ZNF804B: variants seen among roughly 807,000 people sequenced by gnomAD.
ZNF804B encodes zinc finger protein 804B, also known as zinc finger 804B.
ZNF804B carries 80 observed loss-of-function variants against 101.4 expected under a neutral mutation model. The observed-to-expected ratio is 0.79, with a 90% CI of 0.66 to 0.95. The LOEUF is 0.95. Among genes scored for constraint, ZNF804B ranks in the 40% least tolerant of loss-of-function variants. The probability of loss-of-function intolerance (pLI) is 0.00; values close to 1 mark genes in which losing one functional copy is unlikely to be tolerated. For synonymous variants in ZNF804B, 622 were observed against 558.8 expected, an observed-to-expected ratio of 1.11 and a Z score of -1.59; for missense variants, 1,673 against 1,561.9, an observed-to-expected ratio of 1.07 and a Z score of -1.20.
chr7:89,129,976 T>C (rs1790523150), intron 1 of ZNF804B, among the ~76,000 whole-genome samples: 1 of 152,026 alleles, frequency 6.6e-6, no homozygotes, highest in Non-Finnish European at 1.5e-5. Flanking sequence ...CCTTTAATTT[T>C]TCATGGTAAA....
Position 88,926,924 on chromosome 7 carries a change from T to TCTGC in ZNF804B, c.108+166842_108+166845dup, listed in dbSNP as rs1469409064. 8.1e-5 allele frequency among the ~76,000 whole-genome samples: 9 copies of TCTGC among 110,882 alleles called. No individual in the cohort carries two copies. In the Admixed American group the frequency reaches 8.7e-4, roughly 11 times the overall value. The allele number at this position is 110,882 out of a possible 152,430, so 72.7% of individuals were successfully genotyped here. A position where few individuals can be genotyped will look rare whatever the true frequency, so the allele number is the denominator to read the frequency against. ...ATAAATTATAGACCACACTTAGATG[T>TCTGC]CTGCCGGGTGGTGGGGAGCGGGGGG... On this transcript the variant is annotated intron_variant, in intron 1 of 3. Transcript: ENST00000333190.
intron 1 of ZNF804B, among the ~76,000 whole-genome samples, chr7:88,830,752 A>G (rs773611992): frequency 6.6e-6 from 1 of 151,862 alleles, no homozygotes; most frequent in Non-Finnish European, 1.5e-5. Context: ...GTGTGGGTGC[A>G]TATGTGTGTG....
chr7:88,875,881 C>T (rs983032233), intron 1 of ZNF804B, among the ~76,000 whole-genome samples: 1 of 152,186 alleles, frequency 6.6e-6, no homozygotes, highest in African/African-American at 2.4e-5. Flanking sequence ...AGACCAATAT[C>T]CTTGATGAAC....
chr7:89,026,289 G>C (rs765102604), intron 1 of ZNF804B, among the ~76,000 whole-genome samples: 1 of 152,146 alleles, frequency 6.6e-6, no homozygotes, highest in Non-Finnish European at 1.5e-5. Flanking sequence ...AATGGAACGG[G>C]GTTGCCCATG....
chr7:88,882,781 T>C (rs1285226537), intron 1 of ZNF804B, among the ~76,000 whole-genome samples: 2 of 152,128 alleles, frequency 1.3e-5, no homozygotes, highest in African/African-American at 4.8e-5. Flanking sequence ...ATTTTCTTGC[T>C]TACAAGTGGG....
chr7:89,011,689 T>C (rs1348882558), intron 1 of ZNF804B, among the ~76,000 whole-genome samples: 1 of 152,196 alleles, frequency 6.6e-6, no homozygotes, highest in Non-Finnish European at 1.5e-5. Context: ...ATGTCTCTCA[T>C]GCAGGTCACA....
intron 1 of ZNF804B, among the ~76,000 whole-genome samples, chr7:89,012,157 T>C (rs1788474897): frequency 6.6e-6 from 1 of 152,196 alleles, no homozygotes; most frequent in African/African-American, 2.4e-5. Flanking sequence ...AGCTGTACCT[T>C]GACCCTTCTA....
chr7:89,143,049 A>T (rs2116395248), intron 1 of ZNF804B, among the ~76,000 whole-genome samples: 1 of 151,910 alleles, frequency 6.6e-6, no homozygotes, highest in Middle Eastern at 3.4e-3. Flanking sequence ...GGAGGAGTTG[A>T]GGTTTGGGCT....
At chr7:88,838,784 G>T (rs185181456) in intron 1 of ZNF804B, among the ~76,000 whole-genome samples, 1 of 151,788 alleles carries the variant, frequency 6.6e-6, no homozygotes, top group Non-Finnish European at 1.5e-5. Context: ...AAGAACTTTT[G>T]TGAGTTCCTT....
At chr7:89,230,985 G>T (rs1242595445) in intron 2 of ZNF804B, among the ~76,000 whole-genome samples, 1 of 151,912 alleles carries the variant, frequency 6.6e-6, no homozygotes, top group East Asian at 1.9e-4. Flanking sequence ...CATATATTTT[G>T]AATGCAAATC....
chr7:88,993,289 G>A (rs1223088247), intron 1 of ZNF804B, among the ~76,000 whole-genome samples: 1 of 151,822 alleles, frequency 6.6e-6, no homozygotes, highest in Non-Finnish European at 1.5e-5. Flanking sequence ...ACATCACTTG[G>A]ACCACCTTCT....
intron 1 of ZNF804B, among the ~76,000 whole-genome samples, chr7:88,780,320 G>A (rs539890865): frequency 5.3e-5 from 8 of 149,786 alleles, no homozygotes; most frequent in African/African-American, 2.0e-4. Context: ...CAGTTAATTT[G>A]TATGTATAAT....
chr7:89,211,213 G>A lies in ZNF804B; in HGVS notation c.109-6942G>A, dbSNP rs530398008. Among the ~76,000 whole-genome samples, 19 of 152,002 alleles carry A rather than the reference G, an allele frequency of 1.2e-4. No individual in the cohort carries two copies. The South Asian group carries it at 2.7e-3, about 22-fold the overall frequency. ...TTGTTTGTTTTTTTCTTGTTAATTC[G>A]TTTAAGTTATTTGTAGATTCTGGAT... On this transcript the variant is annotated intron_variant, in intron 1 of 3. Transcript: ENST00000333190.
intron 1 of ZNF804B, among the ~76,000 whole-genome samples, chr7:88,890,731 C>A (rs1271291006): frequency 6.6e-6 from 1 of 152,054 alleles, no homozygotes; most frequent in Non-Finnish European, 1.5e-5. Flanking sequence ...CATATAACTG[C>A]ATGTTCTTAA....
chr7:88,872,392 G>C (rs1439950490), intron 1 of ZNF804B, among the ~76,000 whole-genome samples: 1 of 152,124 alleles, frequency 6.6e-6, no homozygotes, highest in African/African-American at 2.4e-5. Context: ...ACTCCAGCCT[G>C]AGTGACAGAG....
intron 1 of ZNF804B, among the ~76,000 whole-genome samples, chr7:89,084,782 A>T (rs1171567265): frequency 6.6e-6 from 1 of 151,958 alleles, no homozygotes; most frequent in Non-Finnish European, 1.5e-5. Context: ...CTTTAAAACA[A>T]ATGAGTTCTC....
At chr7:88,997,118 G>A (rs555755912) in intron 1 of ZNF804B, among the ~76,000 whole-genome samples, 1 of 152,052 alleles carries the variant, frequency 6.6e-6, no homozygotes, top group Non-Finnish European at 1.5e-5. Context: ...GTGAATTAGG[G>A]ACACTGTTCC....
chr7:89,027,120 A>G (rs1322416675), intron 1 of ZNF804B, among the ~76,000 whole-genome samples: 2 of 152,120 alleles, frequency 1.3e-5, no homozygotes, highest in Non-Finnish European at 2.9e-5. Flanking sequence ...AGTTTAGAAT[A>G]ATAGATCAAA....
intron 1 of ZNF804B, among the ~76,000 whole-genome samples, chr7:88,978,175 TTG>T: frequency 6.6e-6 from 1 of 151,690 alleles, no homozygotes; most frequent in Non-Finnish European, 1.5e-5. Context: ...AGAATGATTC[TTG>T]TGCTGAAGAG....
Sources: allele counts gnomAD v4.1 joint callset (sites outside exome capture counted in the v4.1 genomes callset), GRCh38; gene constraint gnomAD v4.1.1; transcripts MANE v1.5; gene names NCBI Gene and HGNC (gene_info 2026-07-23, HGNC 2026-07-21).